Variants in CHSY3 observed in about 807,000 individuals in gnomAD.
CHSY3 encodes the protein chondroitin sulfate synthase 3.
A neutral mutation model predicts 67.2 loss-of-function variants in CHSY3; 35 were observed. That is an observed-to-expected ratio of 0.52 (90% CI 0.40 to 0.69). The LOEUF (loss-of-function observed/expected upper bound fraction) is 0.69. Among genes scored for constraint, CHSY3 ranks in the 30% least tolerant of loss-of-function variants. The pLI, the probability that CHSY3 is intolerant of heterozygous loss-of-function variation, is 0.00. For missense variants in CHSY3, 1,069 were observed against 1,138.5 expected, an observed-to-expected ratio of 0.94 and a Z score of 0.88; for synonymous variants, 474 against 434.7, an observed-to-expected ratio of 1.09 and a Z score of -1.12.
chr5:129,966,099 G>A (rs553872463), intron 2 of CHSY3, among the ~76,000 whole-genome samples: 1 of 151,982 alleles, frequency 6.6e-6, no homozygotes, highest in East Asian at 1.9e-4. Context: ...TAGGCTGTTA[G>A]AGAAAAAGCA....
chr5:130,073,939 A>G (rs1023996408), intron 2 of CHSY3, among the ~76,000 whole-genome samples: 6 of 152,126 alleles, frequency 3.9e-5, no homozygotes, highest in Admixed American at 2.0e-4. Flanking sequence ...GTAAAGAGCG[A>G]TATTCTTCCA....
chr5:129,966,636 T>C (rs1762476170), intron 2 of CHSY3, among the ~76,000 whole-genome samples: 2 of 151,764 alleles, frequency 1.3e-5, no homozygotes, highest in Admixed American at 6.6e-5. Flanking sequence ...AAATCACAGT[T>C]TGGAGTTTAT....
At chr5:130,169,956 ATCTT>A (rs765493973) in intron 2 of CHSY3, among the ~76,000 whole-genome samples, 26 of 151,846 alleles carry the variant, frequency 1.7e-4, no homozygotes, top group Non-Finnish European at 3.1e-4. Context: ...AGCAACTACC[ATCTT>A]TCTTTTATTT....
chr5:129,916,220 T>C (rs951306700), intron 2 of CHSY3, among the ~76,000 whole-genome samples: 12 of 152,224 alleles, frequency 7.9e-5, no homozygotes, highest in African/African-American at 2.7e-4. Context: ...GCATATTCTC[T>C]GGTGAGAACC....
intron 2 of CHSY3, among the ~76,000 whole-genome samples, chr5:130,109,486 A>C (rs961170055): frequency 3.3e-5 from 5 of 151,732 alleles, no homozygotes; most frequent in African/African-American, 1.2e-4. Flanking sequence ...AATACATTAG[A>C]AGCTAATTTC....
chr5:130,047,270 T>C (rs1325816768), intron 2 of CHSY3, among the ~76,000 whole-genome samples: 2 of 152,084 alleles, frequency 1.3e-5, no homozygotes, highest in Non-Finnish European at 2.9e-5. Flanking sequence ...TCTGATATTG[T>C]TCCCTAAGAT....
chr5:130,091,138 A>ACACACACACACACG (rs201758100), intron 2 of CHSY3, among the ~76,000 whole-genome samples: 36 of 98,884 alleles, frequency 3.6e-4, no homozygotes, highest in African/African-American at 1.3e-3. Context: ...ACACACACGC[A>ACACACACACACACG]CACGCGCGCA....
intron 2 of CHSY3, among the ~76,000 whole-genome samples, chr5:130,035,349 T>G (rs114647212): frequency 0.016 from 2,434 of 152,218 alleles, 51 homozygotes; most frequent in African/African-American, 0.054. Flanking sequence ...GAATCCAGCC[T>G]GCCTTCAAGA....
chr5:130,013,442 C>T (rs1764124767), intron 2 of CHSY3, among the ~76,000 whole-genome samples: 5 of 152,240 alleles, frequency 3.3e-5, no homozygotes, highest in Admixed American at 3.3e-4. Context: ...GTGCAGCAAG[C>T]TTCTGCCTGG....
chr5:130,037,970 ACCATTAAAAAATTG>A (rs960659247), intron 2 of CHSY3, among the ~76,000 whole-genome samples: 3 of 152,082 alleles, frequency 2.0e-5, no homozygotes, highest in African/African-American at 7.2e-5. Context: ...GTGCTGTTTG[ACCATTAAAAAATTG>A]TGTGAGAGGA....
chr5:129,947,033 A>C (rs1045367057), intron 2 of CHSY3, among the ~76,000 whole-genome samples: 5 of 152,174 alleles, frequency 3.3e-5, no homozygotes, highest in African/African-American at 1.2e-4. Context: ...ATAAAGACAT[A>C]ACTGAGACTG....
chr5:130,021,259 A>G (rs1764380970), intron 2 of CHSY3, among the ~76,000 whole-genome samples: 1 of 152,176 alleles, frequency 6.6e-6, no homozygotes, highest in South Asian at 2.1e-4. Context: ...TGCACTAAGA[A>G]ACATTTGCTT....
chr5:130,097,929 G>C (rs1320850113), intron 2 of CHSY3, among the ~76,000 whole-genome samples: 2 of 152,058 alleles, frequency 1.3e-5, no homozygotes, highest in Non-Finnish European at 2.9e-5. Context: ...TGGTGAACCC[G>C]GGAGGCAGAG....
At chr5:130,002,706 T>G (rs1381757462) in intron 2 of CHSY3, among the ~76,000 whole-genome samples, 1 of 152,194 alleles carries the variant, frequency 6.6e-6, no homozygotes, top group Non-Finnish European at 1.5e-5. Context: ...ATTAATTTGT[T>G]CCACTATAGT....
At chr5:129,905,818 C>A in intron 1 of CHSY3, 187 bp downstream of exon 1, 1 of 1,284,466 alleles carries the variant, frequency 7.8e-7, no homozygotes, top group Non-Finnish European at 1.0e-6. Context: ...TCCTCGTCTT[C>A]TGCAATCTGG....
At chr5:129,950,997 C>T (rs1762008141) in intron 2 of CHSY3, among the ~76,000 whole-genome samples, 1 of 152,120 alleles carries the variant, frequency 6.6e-6, no homozygotes, top group Non-Finnish European at 1.5e-5. Flanking sequence ...AATTATATTA[C>T]ACAGCTATAG....
chr5:129,910,593 A>G (rs1201780611), intron 2 of CHSY3, among the ~76,000 whole-genome samples: 2 of 152,184 alleles, frequency 1.3e-5, no homozygotes, highest in Non-Finnish European at 2.9e-5. Context: ...TAGCAAAACT[A>G]GTAAAGATAC....
chr5:129,987,090 T>C (rs1328521514), intron 2 of CHSY3, among the ~76,000 whole-genome samples: 1 of 152,234 alleles, frequency 6.6e-6, no homozygotes, highest in Non-Finnish European at 1.5e-5. Context: ...AGTTCCTTTT[T>C]CTGTGAAGTT....
intron 2 of CHSY3, among the ~76,000 whole-genome samples, chr5:130,077,153 C>T (rs1007172586): frequency 6.7e-6 from 1 of 150,354 alleles, no homozygotes; most frequent in African/African-American, 2.4e-5. Context: ...TTGTAAACTA[C>T]GAAAGAGAGT....
Sources: allele counts gnomAD v4.1 joint callset (sites outside exome capture counted in the v4.1 genomes callset), GRCh38; gene constraint gnomAD v4.1.1; transcripts MANE v1.5; gene names NCBI Gene and HGNC (gene_info 2026-07-23, HGNC 2026-07-21).